Variants in ATP11C observed in about 807,000 individuals in gnomAD.
The protein encoded by ATP11C is ATPase phospholipid transporting 11C (ATP11C blood group).
Under a neutral mutation model 97.4 loss-of-function variants are expected in ATP11C, and 36 were observed. The observed-to-expected ratio is 0.37, with a 90% CI of 0.28 to 0.49. ATP11C has a LOEUF of 0.49. Ranked by LOEUF, ATP11C falls within the 20% of genes least tolerant of loss-of-function variation. The pLI is 0.98. For synonymous variants in ATP11C, 275 were observed against 290.9 expected (o/e 0.95, Z 0.56); for missense variants, 730 against 824.6 (o/e 0.89, Z 1.40).
At chrX:139,933,665 G>T (rs2085486415), upstream of ATP11C, among the ~76,000 whole-genome samples, 1 of 112,244 alleles carries the variant, frequency 8.9e-6, no homozygotes, top group African/African-American at 3.2e-5. Context: ...GCCTCGCCGC[G>T]TTCTCCTGCC....
chrX:139,759,958 T>A (rs1490269803), intron 22 of ATP11C, among the ~76,000 whole-genome samples: 6 of 112,078 alleles, frequency 5.4e-5, no homozygotes, highest in African/African-American at 1.9e-4. Flanking sequence ...ACTAGGCAGA[T>A]CTGTATGACA....
At chrX:139,753,536 C>T (rs2081867454) in intron 23 of ATP11C, among the ~76,000 whole-genome samples, 1 of 111,969 alleles carries the variant, frequency 8.9e-6, no homozygotes, top group Non-Finnish European at 1.9e-5. Context: ...GGGCCGGGCA[C>T]AGTGGCTGAA....
intron 12 of ATP11C, among the ~76,000 whole-genome samples, chrX:139,795,865 AT>A (rs1416207240): frequency 4.5e-5 from 5 of 111,783 alleles, no homozygotes; most frequent in Admixed American, 2.8e-4. Flanking sequence ...TACCAAGAAA[AT>A]GTCAATAGGA....
At chrX:139,756,711 C>A (rs2081942111) in intron 23 of ATP11C, among the ~76,000 whole-genome samples, 1 of 110,812 alleles carries the variant, frequency 9.0e-6, no homozygotes, top group African/African-American at 3.3e-5. Context: ...AGCAAACTAA[C>A]ACAAAAACAG....
At chrX:139,767,638 G>A (rs746457065) in intron 20 of ATP11C, among the ~76,000 whole-genome samples, 6 of 111,434 alleles carry the variant, frequency 5.4e-5, no homozygotes, top group Non-Finnish European at 1.1e-4. Context: ...TTATCAATGG[G>A]AGTCAGAGAA....
Position 139,873,835 on chromosome X carries a change from C to T in ATP11C, c.28-47012G>A, listed in dbSNP as rs185973247. Among the ~76,000 whole-genome samples, 77 of 105,997 alleles carry T rather than the reference C, an allele frequency of 7.3e-4. No homozygotes were observed. The East Asian group carries it at 0.017, about 24-fold the overall frequency. 92.0% of individuals were successfully genotyped at this position (105,997 alleles called of 115,157 possible). A position where few individuals can be genotyped will look rare whatever the true frequency, so the allele number is the denominator to read the frequency against. On this transcript the variant is annotated intron_variant, in intron 1 of 29. Transcript: ENST00000682941. ...AACATTAAAAAAAAAAGTTGATTGG[C>T]TCCAAAGACAGTGCAGTGTAGCAGT...
At chrX:139,789,202 C>CAAAA in intron 13 of ATP11C, 125 bp downstream of exon 13, 1 of 417,747 alleles carries the variant, frequency 2.4e-6, no homozygotes, top group Non-Finnish European at 3.6e-6. Flanking sequence ...GACTCCATCT[C>CAAAA]AAAAAAAAAA....
rs762178499 is a variant in ATP11C at position 139,864,155 on chromosome X, T to A, written c.28-37332A>T. Among the ~76,000 whole-genome samples, 10 of 112,198 alleles carry A rather than the reference T, an allele frequency of 8.9e-5. No homozygotes were observed. In the South Asian group the frequency reaches 3.3e-3, roughly 37 times the overall value. ...GAAACATATGTGACCATATTAAGGA[T>A]CCTTCACACCTCTAATTTTTAGTTT... is the stretch of plus-strand genomic sequence containing the variant. On this transcript the variant is annotated intron_variant, in intron 1 of 29. Coordinates refer to ENST00000682941, the MANE Select transcript of ATP11C (RefSeq NM_001353812.2).
At chrX:139,921,850 G>T (rs995811812) in intron 1 of ATP11C, among the ~76,000 whole-genome samples, 18 of 110,300 alleles carry the variant, frequency 1.6e-4, no homozygotes, top group African/African-American at 5.6e-4. Context: ...AATATATGAA[G>T]TAGTGTCATG....
At chrX:139,873,643 G>A (rs1471172543) in intron 1 of ATP11C, among the ~76,000 whole-genome samples, 2 of 100,598 alleles carry the variant, frequency 2.0e-5, no homozygotes, top group Non-Finnish European at 4.0e-5. Context: ...GGAGGCAGAG[G>A]CTGCAGCGAG....
Position 139,850,909 on chromosome X carries a change from C to CA in ATP11C, c.28-24087dup, listed in dbSNP as rs201316342. Among the ~76,000 whole-genome samples, 180 of 110,611 alleles carry CA rather than the reference C, an allele frequency of 1.6e-3. 1 individual carries two copies. Among genetic ancestry groups the CA allele is most frequent in the African/African-American group, 5.4e-3 (164 of 30,358 alleles). On this transcript the variant is annotated intron_variant, in intron 1 of 29. Coordinates refer to ENST00000682941, the MANE Select transcript of ATP11C (RefSeq NM_001353812.2). ...TGGGTGACAGAACAAGGCTCTGTCTCAAAAAAATAGATAAATAAAATAAAA... is the reference window on the plus strand; with the variant it reads ...TGGGTGACAGAACAAGGCTCTGTCTCAAAAAAAATAGATAAATAAAATAAAA...
chrX:139,898,264 G>A (rs1457652006), intron 1 of ATP11C, among the ~76,000 whole-genome samples: 2 of 111,410 alleles, frequency 1.8e-5, no homozygotes, highest in Non-Finnish European at 3.8e-5. Flanking sequence ...GTGTAGGGCT[G>A]TTATTATCCC....
At chrX:139,745,895 T>C in intron 24 of ATP11C, 38 bp from the exon 25 acceptor site, 2 of 1,177,534 alleles carry the variant, frequency 1.7e-6, no homozygotes, top group Non-Finnish European at 2.3e-6. Context: ...TTAGTGAAAC[T>C]TTTCATTTAA....
intron 11 of ATP11C, 50 bp from the exon 12 acceptor site, chrX:139,796,520 A>C: frequency 1.2e-5 from 10 of 808,953 alleles, no homozygotes; most frequent in Non-Finnish European, 1.8e-5. Flanking sequence ...ATTTCATCAG[A>C]CCAATATAAT....
At chrX:139,799,644 C>CTTTTT (rs754371113) in intron 8 of ATP11C, among the ~76,000 whole-genome samples, 50 of 60,349 alleles carry the variant, frequency 8.3e-4, no homozygotes, top group Non-Finnish European at 1.0e-3. Flanking sequence ...CTTTATATTC[C>CTTTTT]TTTTTTTTTT....
intron 1 of ATP11C, among the ~76,000 whole-genome samples, chrX:139,870,858 C>G (rs1294008546): frequency 1.8e-5 from 2 of 110,479 alleles, no homozygotes; most frequent in African/African-American, 6.6e-5. Context: ...AGATCGAGAC[C>G]ATCCTGGCTA....
intron 19 of ATP11C, among the ~76,000 whole-genome samples, chrX:139,769,286 ATATATATATATAT>A (rs1376383621): frequency 8.8e-5 from 2 of 22,652 alleles, no homozygotes; most frequent in Non-Finnish European, 1.4e-4. Context: ...ACATACATAT[ATATATATATATAT>A]ATATATATAT....
At chrX:139,777,367 C>T in intron 18 of ATP11C, among the ~76,000 whole-genome samples, 1 of 109,380 alleles carries the variant, frequency 9.1e-6, no homozygotes, top group Non-Finnish European at 1.9e-5. Context: ...AAATTCACTA[C>T]AGCAATTTCA....
rs765916181 is a variant in ATP11C, at chrX:139,762,113, G to A, written c.2495-7C>T. 5 of 1,185,164 alleles carry A rather than the reference G, an allele frequency of 4.2e-6. No homozygotes were observed. The Admixed American group carries it at 1.1e-4, about 27-fold the overall frequency. ...CCTTCTTTGCCTTTAATACCTAAAA[G>A]AGAGTATCTCTATATGGTGAGCATT... On this transcript the variant is annotated splice_polypyrimidine_tract_variant and splice_region_variant and intron_variant, in intron 21 of 29. Coordinates refer to ENST00000682941, the MANE Select transcript of ATP11C (RefSeq NM_001353812.2).
Sources: gnomAD v4.1 joint callset for allele counts (sites outside exome capture counted in the v4.1 genomes callset) on GRCh38, gnomAD v4.1.1 for gene constraint, MANE v1.5 for transcripts, NCBI Gene and HGNC (gene_info 2026-07-23, HGNC 2026-07-21) for gene names.